The following DNMT3A variants were observed in gnomAD, a reference collection of about 807,000 sequenced individuals.
DNMT3A encodes the protein DNA methyltransferase 3 alpha, also known as DNA (cytosine-5)-methyltransferase 3A.
A neutral mutation model predicts 117.6 loss-of-function variants in DNMT3A; 267 were observed. The observed-to-expected ratio is 2.27, with a 90% CI of 2.05 to 2.51. The LOEUF is 2.51. Ranked by LOEUF, DNMT3A falls within the 30% of genes most tolerant of loss-of-function variation. The pLI, the probability that DNMT3A is intolerant of heterozygous loss-of-function variation, is 0.00. For missense variants in DNMT3A, 1,029 were observed against 1,260.2 expected (o/e 0.82, Z 2.78); for synonymous variants, 432 against 474.8 (o/e 0.91, Z 1.17).
At position 25,252,256 on chromosome 2, in the gene DNMT3A, C is replaced by G; in HGVS notation, c.640-4004G>C. On this transcript the variant is annotated intron_variant, in intron 6 of 22. Transcript: ENST00000321117. This position sits in a 1 kb window ranked among gnomAD's most constrained non-coding sequence, Gnocchi z 5.5. ...AGGTGTGAGCCGCGGCCCTGAAGCT[C>G]TGGAAGTAGCTGCCCGTCTTGGGGG... 7.6e-7 allele frequency: 1 copy of G among 1,323,514 alleles called. No homozygotes were observed. The highest frequency in any genetic ancestry group is 9.9e-7 in the Non-Finnish European group (1 of 1,012,780). The allele number at this position is 1,323,514 out of a possible 1,614,324, so 82.0% of individuals were successfully genotyped here.
At position 25,236,264 on chromosome 2, in the gene DNMT3A, C is replaced by T. The variant is rs945507436; in HGVS notation, c.2479-439G>A. ...TATTTTTAGTCAGACAGGGTTTCAC[C>T]GTGTCGGCCAGGCTGGTCTCAAACT... On this transcript the variant is annotated intron_variant, in intron 21 of 22. Coordinates refer to ENST00000321117, the MANE Select transcript of DNMT3A (RefSeq NM_022552.5). This position sits in a 1 kb window ranked among gnomAD's most constrained non-coding sequence, Gnocchi z 4.5. Among the ~76,000 whole-genome samples, 4 of 152,164 alleles carry T rather than the reference C, an allele frequency of 2.6e-5. No homozygotes were observed. The highest frequency in any genetic ancestry group is 1.3e-4 in the Admixed American group (2 of 15,274).
chr2:25,246,400 T>G, intron 10 of DNMT3A, 91 bp from the exon 11 acceptor site: 1 of 1,499,876 alleles, frequency 6.7e-7, no homozygotes, highest in Non-Finnish European at 9.0e-7. Flanking sequence ...GGGTGCGGCC[T>G]GGTCTCCAAC....
rs1402677958 is a variant in DNMT3A, at chr2:25,296,023, A to G, written c.177+4116T>C. On this transcript the variant is annotated intron_variant, in intron 3 of 22. Coordinates refer to ENST00000321117, the MANE Select transcript of DNMT3A (RefSeq NM_022552.5). This position sits in a 1 kb window ranked among gnomAD's most constrained non-coding sequence, Gnocchi z 4.2. ...CCAAGAAATGATACGGTTGTAAAAT[A>G]TAAAATCACAGCACGTGGATGTGGC... is the stretch of plus-strand genomic sequence containing the variant. 6.6e-6 allele frequency among the ~76,000 whole-genome samples: 1 copy of G among 152,250 alleles called. No individual in the cohort carries two copies. Among genetic ancestry groups the G allele is most frequent in the Non-Finnish European group, 1.5e-5 (1 of 68,048 alleles).
chr2:25,277,326 C>T (rs1239123565), intron 4 of DNMT3A, among the ~76,000 whole-genome samples: 1 of 152,154 alleles, frequency 6.6e-6, no homozygotes, highest in Non-Finnish European at 1.5e-5. Context: ...TCCGGGGCCT[C>T]CCCGTTCCCA....
intron 3 of DNMT3A, among the ~76,000 whole-genome samples, chr2:25,285,140 A>G (rs937860413): frequency 3.9e-4 from 60 of 152,314 alleles, no homozygotes; most frequent in African/African-American, 1.4e-3. Flanking sequence ...GGGCCTGTCC[A>G]GCTAAATGTG....
chr2:25,252,700 C>T lies in DNMT3A; in HGVS notation c.640-4448G>A, dbSNP rs1306895717. ...AGCCGGGGGTCCGGGCGAAAGCAAG[C>T]CGGAGCTTTCGGACGGCCTGGGAGA... On this transcript the variant is annotated intron_variant, in intron 6 of 22. Coordinates refer to ENST00000321117, the MANE Select transcript of DNMT3A (RefSeq NM_022552.5). The surrounding 1 kb of genome is among the most constrained non-coding windows in gnomAD (Gnocchi z 5.5). Among the ~76,000 whole-genome samples the T allele has an allele frequency of 2.6e-5, 4 of 152,170 alleles. No homozygotes were observed. Among genetic ancestry groups the T allele is most frequent in the Non-Finnish European group, 4.4e-5 (3 of 67,964 alleles).
At chr2:25,248,379 C>A in intron 6 of DNMT3A, 127 bp from the exon 7 acceptor site, 2 of 993,522 alleles carry the variant, frequency 2.0e-6, no homozygotes, top group Non-Finnish European at 2.9e-6. Flanking sequence ...TGGAGAGAGC[C>A]AACCAGCTGC....
rs751916447 is a variant in DNMT3A, at chr2:25,247,716, A to C, written c.889T>G (p.Trp297Gly). ...CAGGAGAAGCCCCGCAGTTTCCCCC[A>C]CACCAGCTCCCCAATGCCAAAGCCC... ...GRGFGIGELV[W>G]GKLRGFSWWP... Residue 297 changes from tryptophan (W) to glycine (G), a missense_variant, in exon 8 of 23, where the codon TGG becomes GGG. Transcript: ENST00000321117. The surrounding 1 kb of genome is among the most constrained non-coding windows in gnomAD (Gnocchi z 5.6). 3 of 1,612,356 alleles carry C rather than the reference A, an allele frequency of 1.9e-6. No homozygotes were observed. The highest frequency in any genetic ancestry group is 2.2e-5 in the East Asian group (1 of 44,838).
In DNMT3A at chr2:25,286,396, C is replaced by G. The variant is rs1239916905; in HGVS notation, c.178-3685G>C. 1.3e-5 allele frequency among the ~76,000 whole-genome samples: 2 copies of G among 152,240 alleles called. No homozygotes were observed. The highest frequency in any genetic ancestry group is 1.3e-4 in the Admixed American group (2 of 15,284). ...CTGGGCAGATGATGGGCGAGCGGGG[C>G]ATGTTGCACATTTCCAGCCCCGGGT... is the stretch of plus-strand genomic sequence containing the variant. On this transcript the variant is annotated intron_variant, in intron 3 of 22. Coordinates refer to ENST00000321117, the MANE Select transcript of DNMT3A (RefSeq NM_022552.5). This position sits in a 1 kb window ranked among gnomAD's most constrained non-coding sequence, Gnocchi z 4.3.
At chr2:25,239,096 C>T (rs1162377225) in intron 20 of DNMT3A, 34 bp downstream of exon 20, 1 of 1,605,104 alleles carries the variant, frequency 6.2e-7, no homozygotes, top group Non-Finnish European at 8.5e-7. Flanking sequence ...CAGTCCCAGC[C>T]CACAGCCCCC....
chr2:25,278,949 C>T (rs1466889479), intron 4 of DNMT3A, among the ~76,000 whole-genome samples: 1 of 152,206 alleles, frequency 6.6e-6, no homozygotes, highest in East Asian at 1.9e-4. Flanking sequence ...GATTCTGATC[C>T]AGCAGGTCTT....
At position 25,254,058 on chromosome 2, in the gene DNMT3A, C is replaced by T. The variant is rs1466547288; in HGVS notation, c.640-5806G>A. ...CTGCACTCCAGCCTGGGCAACAGAG[C>T]GAGACTCCGTCTCAAAAAAAAAAAA... On this transcript the variant is annotated intron_variant, in intron 6 of 22. Coordinates refer to ENST00000321117, the MANE Select transcript of DNMT3A (RefSeq NM_022552.5). The surrounding 1 kb of genome is among the most constrained non-coding windows in gnomAD (Gnocchi z 4.7). Among the ~76,000 whole-genome samples the T allele has an allele frequency of 5.4e-5, 8 of 146,848 alleles. No homozygotes were observed. Among genetic ancestry groups the T allele is most frequent in the African/African-American group, 1.3e-4 (5 of 39,610 alleles).
At chr2:25,238,447 G>T (rs1673607527) in intron 20 of DNMT3A, among the ~76,000 whole-genome samples, 1 of 152,120 alleles carries the variant, frequency 6.6e-6, no homozygotes, top group South Asian at 2.1e-4. Context: ...AGAACACTCT[G>T]GAAAACGCTT....
chr2:25,340,962 G>A (rs1221666715), intron 1 of DNMT3A, among the ~76,000 whole-genome samples: 1 of 145,974 alleles, frequency 6.9e-6, no homozygotes, highest in Non-Finnish European at 1.5e-5. Context: ...GGTGGGGACA[G>A]GGAGGAGCCG....
chr2:25,306,571 C>G lies in DNMT3A; in HGVS notation c.73-6328G>C, dbSNP rs953882873. On this transcript the variant is annotated intron_variant, in intron 2 of 22. Transcript: ENST00000321117. The surrounding 1 kb of genome is among the most constrained non-coding windows in gnomAD (Gnocchi z 4.1). Reference sequence around the variant, plus strand: ...CTAAATAGCTGACAACGGTGGTGCCCATCTGGTTCCCAGGCCCTCGTGCCA... The same window carrying G: ...CTAAATAGCTGACAACGGTGGTGCCGATCTGGTTCCCAGGCCCTCGTGCCA... 7.2e-5 allele frequency among the ~76,000 whole-genome samples: 11 copies of G among 152,198 alleles called. No homozygotes were observed. The highest frequency in any genetic ancestry group is 1.5e-4 in the Non-Finnish European group (10 of 68,030).
intron 1 of DNMT3A, among the ~76,000 whole-genome samples, chr2:25,331,936 A>G (rs6728111): frequency 0.52 from 75,368 of 143,616 alleles, 19,106 homozygotes; most frequent in Non-Finnish European, 0.55. Flanking sequence ...GGGCATCCCC[A>G]CCCACACAGT....
chr2:25,315,427 G>A (rs987043362), intron 1 of DNMT3A, among the ~76,000 whole-genome samples: 10 of 152,186 alleles, frequency 6.6e-5, no homozygotes, highest in Admixed American at 1.3e-4. Context: ...GGCTTGAAGC[G>A]GACCTGCCCC....
intron 1 of DNMT3A, 48 bp from the exon 2 acceptor site, chr2:25,314,209 C>G: frequency 6.4e-6 from 9 of 1,399,260 alleles, no homozygotes; most frequent in Non-Finnish European, 8.3e-6. Flanking sequence ...CCCACCCTCC[C>G]TGGGTCAGGC....
rs1558704900 is a variant in DNMT3A, at chr2:25,282,561, G to C, written c.328C>G (p.Gln110Glu). Reference protein sequence around the residue: ...QPEEGSPAGGQKGGAPAEGEG... With the variant: ...QPEEGSPAGGEKGGAPAEGEG... ...CCCTCTGCTGGGGCCCCGCCCTTCT[G>C]CCCCCCAGCAGGGCTCCCCTCCTCT... Residue 110 changes from glutamine (Q) to glutamate (E), a missense_variant, in exon 4 of 23, where the codon CAG becomes GAG. Coordinates refer to ENST00000321117, the MANE Select transcript of DNMT3A (RefSeq NM_022552.5). The surrounding 1 kb of genome is among the most constrained non-coding windows in gnomAD (Gnocchi z 5.2). 3.7e-6 allele frequency: 6 copies of C among 1,613,298 alleles called. No individual in the cohort carries two copies. Among genetic ancestry groups the C allele is most frequent in the Non-Finnish European group, 5.1e-6 (6 of 1,179,968 alleles).
Sources: gnomAD v4.1 joint callset for allele counts (sites outside exome capture counted in the v4.1 genomes callset) on GRCh38, gnomAD v4.1.1 for gene constraint, Gnocchi (gnomAD v3.1) non-coding constraint, MANE v1.5 for transcripts, NCBI Gene and HGNC (gene_info 2026-07-23, HGNC 2026-07-21) for gene names.